AGPS: variants seen among roughly 807,000 people sequenced by gnomAD.
The protein encoded by AGPS is alkylglycerone phosphate synthase, also known as alkyldihydroxyacetonephosphate synthase, peroxisomal.
In AGPS, 26 loss-of-function variants were observed where a neutral mutation model predicts 90.7. The ratio of observed to expected loss-of-function variants is 0.29; its 90% confidence interval spans 0.21 to 0.40. The LOEUF (loss-of-function observed/expected upper bound fraction) is 0.40, where lower values mean the gene tolerates loss of function less well. Ranked by LOEUF, AGPS falls within the 10% of genes least tolerant of loss-of-function variation. The probability of loss-of-function intolerance (pLI) is 1.00; values close to 1 mark genes in which losing one functional copy is unlikely to be tolerated. For missense variants in AGPS, 540 were observed against 816.1 expected, an observed-to-expected ratio of 0.66 and a Z score of 4.12; for synonymous variants, 294 against 285.3, an observed-to-expected ratio of 1.03 and a Z score of -0.31.
intron 1 of AGPS, among the ~76,000 whole-genome samples, chr2:177,402,870 A>G (rs1685368227): frequency 6.6e-6 from 1 of 152,188 alleles, no homozygotes; most frequent in Admixed American, 6.5e-5. Context: ...CGGCCTGACT[A>G]ACATGGTGAA....
In AGPS at chr2:177,406,170, G is replaced by A. The variant is rs554701226; in HGVS notation, c.260+13121G>A. ...CTTTGCTTTTCTCTCATTGCCACCA[G>A]CCTAGATGAAATCTTAATTGTCTCA... is the stretch of plus-strand genomic sequence containing the variant. On this transcript the variant is annotated intron_variant, in intron 1 of 19. Coordinates refer to ENST00000264167, the MANE Select transcript of AGPS (RefSeq NM_003659.4). 2.6e-5 allele frequency among the ~76,000 whole-genome samples: 4 copies of A among 152,272 alleles called. No individual in the cohort carries two copies. The East Asian group carries it at 7.7e-4, about 29-fold the overall frequency.
chr2:177,436,216 A>G (rs1686407826), intron 3 of AGPS, among the ~76,000 whole-genome samples: 1 of 128,522 alleles, frequency 7.8e-6, no homozygotes, highest in Non-Finnish European at 1.6e-5. Flanking sequence ...CCGTGGTACA[A>G]TCTCGGCTCA....
intron 5 of AGPS, among the ~76,000 whole-genome samples, chr2:177,439,782 C>T (rs1023047687): frequency 3.9e-4 from 60 of 152,236 alleles, no homozygotes; most frequent in African/African-American, 1.4e-3. Context: ...TCTCGCTCCT[C>T]CATGCCATCT....
chr2:177,524,531 C>T (rs2079064247), intron 19 of AGPS, among the ~76,000 whole-genome samples: 1 of 152,026 alleles, frequency 6.6e-6, no homozygotes, highest in African/African-American at 2.4e-5. Context: ...AATTTGATGC[C>T]TAGGAAAATA....
At chr2:177,462,690 G>T (rs1687334732) in intron 9 of AGPS, among the ~76,000 whole-genome samples, 1 of 151,718 alleles carries the variant, frequency 6.6e-6, no homozygotes, top group Admixed American at 6.6e-5. Context: ...AATACCACAA[G>T]GAAAATAATA....
intron 1 of AGPS, among the ~76,000 whole-genome samples, chr2:177,411,800 C>CTGT (rs1005241613): frequency 2.2e-4 from 34 of 152,266 alleles, no homozygotes; most frequent in African/African-American, 8.2e-4. Context: ...TTATCCTGTT[C>CTGT]TATTATGTTG....
At chr2:177,426,693 T>G (rs546747629) in intron 2 of AGPS, among the ~76,000 whole-genome samples, 11 of 152,348 alleles carry the variant, frequency 7.2e-5, no homozygotes, top group African/African-American at 2.6e-4. Flanking sequence ...TAAATTACAT[T>G]TATTGATTTG....
At chr2:177,451,169 G>A (rs1404909710) in intron 8 of AGPS, among the ~76,000 whole-genome samples, 2 of 151,654 alleles carry the variant, frequency 1.3e-5, no homozygotes, top group African/African-American at 4.9e-5. Flanking sequence ...CCATATTGCT[G>A]AGACTGGTCT....
intron 19 of AGPS, among the ~76,000 whole-genome samples, chr2:177,533,526 A>G (rs986083135): frequency 6.6e-6 from 1 of 152,156 alleles, no homozygotes; most frequent in African/African-American, 2.4e-5. Context: ...GAGAGTGAGT[A>G]TAGGTGGCTT....
At chr2:177,412,819 T>C (rs1030336175) in intron 1 of AGPS, among the ~76,000 whole-genome samples, 2 of 152,098 alleles carry the variant, frequency 1.3e-5, no homozygotes, top group African/African-American at 4.8e-5. Context: ...CCATGGGTCA[T>C]GGAACAGAAC....
intron 6 of AGPS, chr2:177,441,522 C>A (rs1370133365): frequency 6.5e-6 from 1 of 154,852 alleles, no homozygotes; most frequent in Non-Finnish European, 1.4e-5. Context: ...AAATATTTTT[C>A]TAATTCCAAA....
chr2:177,519,638 C>T (rs1028430121), intron 17 of AGPS, among the ~76,000 whole-genome samples: 33 of 152,282 alleles, frequency 2.2e-4, no homozygotes, highest in African/African-American at 7.9e-4. Context: ...TTGGTCTCAA[C>T]TGCAGTGATT....
chr2:177,442,946 T>C (rs1446125832), intron 7 of AGPS, among the ~76,000 whole-genome samples: 1 of 152,160 alleles, frequency 6.6e-6, no homozygotes, highest in Non-Finnish European at 1.5e-5. Flanking sequence ...CCCTCAGGTA[T>C]ATATGTTGAT....
chr2:177,509,885 T>C (rs990867734), intron 16 of AGPS, among the ~76,000 whole-genome samples: 43 of 152,182 alleles, frequency 2.8e-4, no homozygotes, highest in Non-Finnish European at 5.1e-4. Flanking sequence ...CTTGTTTTTT[T>C]CCACAGGACT....
At chr2:177,508,704 C>G (rs1261795670) in intron 16 of AGPS, among the ~76,000 whole-genome samples, 33 of 152,092 alleles carry the variant, frequency 2.2e-4, no homozygotes, top group Admixed American at 2.2e-3. Context: ...TATTATAACT[C>G]ATCCAGTAAT....
At position 177,533,530 on chromosome 2, in the gene AGPS, G is replaced by A. The variant is rs1356512956; in HGVS notation, c.1856-4544G>A. ...TATATCACCAGGAGAGTGAGTATAG[G>A]TGGCTTGGATAATATCACTTAGCTT... On this transcript the variant is annotated intron_variant, in intron 19 of 19. Coordinates refer to ENST00000264167, the MANE Select transcript of AGPS (RefSeq NM_003659.4). Among the ~76,000 whole-genome samples the A allele has an allele frequency of 2.6e-5, 4 of 152,158 alleles. No individual in the cohort carries two copies. In the East Asian group the frequency reaches 7.7e-4, roughly 29 times the overall value.
intron 18 of AGPS, among the ~76,000 whole-genome samples, chr2:177,522,328 A>G (rs1431142102): frequency 6.6e-6 from 1 of 151,932 alleles, no homozygotes; most frequent in African/African-American, 2.4e-5. Context: ...CTCAGTCCAA[A>G]CTGCTGGTCT....
chr2:177,527,270 A>G (rs1052271463), intron 19 of AGPS, among the ~76,000 whole-genome samples: 1 of 152,092 alleles, frequency 6.6e-6, no homozygotes, highest in Non-Finnish European at 1.5e-5. Context: ...TCTACAAAAA[A>G]TACAAAACTT....
At chr2:177,520,175 TC>T (rs1689137597) in intron 17 of AGPS, among the ~76,000 whole-genome samples, 1 of 152,190 alleles carries the variant, frequency 6.6e-6, no homozygotes, top group African/African-American at 2.4e-5. Flanking sequence ...TGTGCTGACT[TC>T]CTATCTCATC....
Sources: gnomAD v4.1 joint callset for allele counts (sites outside exome capture counted in the v4.1 genomes callset) on GRCh38, gnomAD v4.1.1 for gene constraint, MANE v1.5 for transcripts, NCBI Gene and HGNC (gene_info 2026-07-23, HGNC 2026-07-21) for gene names.